TENM3: variants seen among roughly 807,000 people sequenced by gnomAD.
TENM3 encodes the protein teneurin-3.
A neutral mutation model predicts 255.1 loss-of-function variants in TENM3; 63 were observed. The observed-to-expected ratio is 0.25, with a 90% CI of 0.20 to 0.30. TENM3 has a LOEUF of 0.30. TENM3 is among the 10% of genes least tolerant of loss of function. The pLI, the probability that TENM3 is intolerant of heterozygous loss-of-function variation, is 1.00. For missense variants in TENM3, 2,929 were observed against 3,461.1 expected (o/e 0.85, Z 3.86); for synonymous variants, 1,306 against 1,322.3 (o/e 0.99, Z 0.27).
At chr4:181,538,954 G>C in the TENM3 span, among the ~76,000 whole-genome samples, 1 of 152,060 alleles carries the variant, frequency 6.6e-6, no homozygotes, top group Non-Finnish European at 1.5e-5. Flanking sequence ...AATTCTGTTG[G>C]GGAAAAAGTA....
At chr4:182,585,049 C>G (rs1745880792) in intron 3 of TENM3, among the ~76,000 whole-genome samples, 1 of 151,984 alleles carries the variant, frequency 6.6e-6, no homozygotes, top group African/African-American at 2.4e-5. Context: ...ATCTTTTTTT[C>G]CTAAAAGAAA....
the TENM3 span, among the ~76,000 whole-genome samples, chr4:181,499,505 G>T: frequency 6.6e-6 from 1 of 152,280 alleles, no homozygotes; most frequent in East Asian, 1.9e-4. Context: ...AGAATATGTG[G>T]CTGGCTGACA....
At chr4:182,162,323 C>A (rs932693768) in intron 1 of TENM3, among the ~76,000 whole-genome samples, 10 of 152,156 alleles carry the variant, frequency 6.6e-5, no homozygotes, top group Non-Finnish European at 1.2e-4. Context: ...TTGAGCCCAA[C>A]ATTGGCTTAG....
At chr4:182,457,798 C>T (rs1022713287) in intron 3 of TENM3, among the ~76,000 whole-genome samples, 4 of 152,292 alleles carry the variant, frequency 2.6e-5, no homozygotes, top group East Asian at 1.9e-4. Context: ...CCTTGGCTCA[C>T]GCAGTCCTCC....
chr4:182,267,433 T>A (rs1200896335), intron 1 of TENM3, among the ~76,000 whole-genome samples: 1 of 152,192 alleles, frequency 6.6e-6, no homozygotes, highest in Non-Finnish European at 1.5e-5. Context: ...TGTTTTCCTT[T>A]AAGGAATTAA....
At chr4:181,837,020 G>A in the TENM3 span, among the ~76,000 whole-genome samples, 151,042 of 152,234 alleles carry the variant, frequency 0.99, 74,940 homozygotes, top group Middle Eastern at 1. Context: ...TGTGAATAGT[G>A]TATTTTAAAT....
the TENM3 span, among the ~76,000 whole-genome samples, chr4:181,606,054 T>C: frequency 1.3e-5 from 2 of 152,206 alleles, no homozygotes; most frequent in Admixed American, 6.5e-5. Context: ...CCCATCCAGA[T>C]GCTCCAGCCA....
intron 5 of TENM3, among the ~76,000 whole-genome samples, chr4:182,633,245 A>T (rs1400462732): frequency 6.6e-6 from 1 of 152,146 alleles, no homozygotes; most frequent in Non-Finnish European, 1.5e-5. Flanking sequence ...GAGGATTTTT[A>T]AAAATGTTCT....
At chr4:181,985,076 T>G in the TENM3 span, among the ~76,000 whole-genome samples, 1 of 152,160 alleles carries the variant, frequency 6.6e-6, no homozygotes, top group Admixed American at 6.6e-5. Flanking sequence ...GTCTTATGTG[T>G]CCTGACTCTT....
At chr4:181,450,906 T>C in the TENM3 span, among the ~76,000 whole-genome samples, 2 of 152,218 alleles carry the variant, frequency 1.3e-5, no homozygotes, top group Non-Finnish European at 2.9e-5. Flanking sequence ...GTAATTTTAG[T>C]CCTCAGTTAA....
intron 1 of TENM3, among the ~76,000 whole-genome samples, chr4:182,279,410 T>A (rs2150260874): frequency 6.6e-6 from 1 of 152,296 alleles, no homozygotes; most frequent in South Asian, 2.1e-4. Context: ...TGCAATGAAA[T>A]GCCTGTATTG....
the TENM3 span, among the ~76,000 whole-genome samples, chr4:181,822,874 T>C: frequency 2.6e-5 from 4 of 152,136 alleles, no homozygotes; most frequent in South Asian, 2.1e-4. Flanking sequence ...TCCTACAAAA[T>C]TGTAGAAAAA....
At chr4:181,592,256 A>AACACACACAC in the TENM3 span, among the ~76,000 whole-genome samples, 36 of 148,406 alleles carry the variant, frequency 2.4e-4, no homozygotes, top group South Asian at 8.6e-4. Flanking sequence ...TTTAAACACA[A>AACACACACAC]ACACACACAC....
the TENM3 span, among the ~76,000 whole-genome samples, chr4:181,804,617 G>A: frequency 6.6e-6 from 1 of 152,168 alleles, no homozygotes; most frequent in African/African-American, 2.4e-5. Context: ...GGCAATTCCA[G>A]GTGGTTGAAG....
chr4:182,800,050 T>G lies in TENM3; in HGVS notation c.7799T>G (p.Phe2600Cys), dbSNP rs1398843507. ...AGGTTCGCGGACGTGGAGATGCAGT[T>G]CGGCGCGCTGGCGCTGCACGTGCGC... Reference protein sequence around the residue: ...TRRFADVEMQFGALALHVRYG... With the variant: ...TRRFADVEMQCGALALHVRYG... The change falls in exon 28 of 28, where the codon TTC becomes TGC. Residue 2600 changes from phenylalanine (F) to cysteine (C), a missense_variant. Physicochemically the swap from Phe to Cys is radical, Grantham distance 205. Coordinates refer to ENST00000511685, the MANE Select transcript of TENM3 (RefSeq NM_001080477.4). The G allele has an allele frequency of 1.2e-6, 2 of 1,602,266 alleles. No homozygotes were observed. The highest frequency in any genetic ancestry group is 1.1e-5 in the South Asian group (1 of 89,066).
intron 1 of TENM3, among the ~76,000 whole-genome samples, 157 bp downstream of exon 1, chr4:182,243,633 G>A (rs1043057460): frequency 2.2e-4 from 34 of 151,756 alleles, no homozygotes; most frequent in Non-Finnish European, 1.5e-4. Context: ...AGTAGTTGAA[G>A]ATGGAGAGGG....
At chr4:182,628,111 A>G (rs1751004508) in intron 4 of TENM3, among the ~76,000 whole-genome samples, 1 of 152,214 alleles carries the variant, frequency 6.6e-6, no homozygotes, top group African/African-American at 2.4e-5. Context: ...TTGTTTTTAT[A>G]GTACTTATTA....
intron 2 of TENM3, among the ~76,000 whole-genome samples, chr4:182,343,319 A>C (rs1764601735): frequency 6.6e-6 from 1 of 152,222 alleles, no homozygotes; most frequent in Admixed American, 6.5e-5. Context: ...GATCAAGGTT[A>C]CCAAAATTCA....
chr4:182,135,540 G>A, the TENM3 span, among the ~76,000 whole-genome samples: 4 of 152,154 alleles, frequency 2.6e-5, no homozygotes, highest in Non-Finnish European at 2.9e-5. Flanking sequence ...AAGTAAAGAC[G>A]AAATATCAAA....
Sources: allele counts gnomAD v4.1 joint callset (sites outside exome capture counted in the v4.1 genomes callset), GRCh38; gene constraint gnomAD v4.1.1; transcripts MANE v1.5; gene names NCBI Gene and HGNC (gene_info 2026-07-23, HGNC 2026-07-21).